The following HPSE2 variants were observed in gnomAD, a reference collection of about 807,000 sequenced individuals.
The protein encoded by HPSE2 is inactive heparanase-2.
A neutral mutation model predicts 60.5 loss-of-function variants in HPSE2; 38 were observed. The ratio of observed to expected loss-of-function variants is 0.63; its 90% CI spans 0.48 to 0.82. The LOEUF is 0.82. HPSE2 is among the 40% of genes least tolerant of loss of function. HPSE2 has a pLI of 0.00. For synonymous variants in HPSE2, 295 were observed against 293.2 expected, an observed-to-expected ratio of 1.01 and a Z score of -0.06; for missense variants, 713 against 740.4, an observed-to-expected ratio of 0.96 and a Z score of 0.43.
chr10:98,969,574 C>T (rs1049691704), intron 3 of HPSE2, among the ~76,000 whole-genome samples: 1 of 152,122 alleles, frequency 6.6e-6, no homozygotes, highest in African/African-American at 2.4e-5. Context: ...TGAGTTCTTG[C>T]TGGAGGTTAA....
At chr10:98,819,659 GC>G (rs1565186953) in intron 3 of HPSE2, among the ~76,000 whole-genome samples, 1 of 152,030 alleles carries the variant, frequency 6.6e-6, no homozygotes, top group Non-Finnish European at 1.5e-5. Context: ...TTTTAAAAGA[GC>G]TTTTTGAGGA....
intron 11 of HPSE2, among the ~76,000 whole-genome samples, chr10:98,475,105 T>C (rs866558030): frequency 4.2e-4 from 64 of 151,124 alleles, no homozygotes; most frequent in African/African-American, 1.5e-3. Context: ...CTTACAGTTA[T>C]GGGACCACAA....
intron 2 of HPSE2, among the ~76,000 whole-genome samples, chr10:99,194,301 A>G (rs1008895583): frequency 6.6e-6 from 1 of 151,936 alleles, no homozygotes; most frequent in African/African-American, 2.4e-5. Context: ...CTGTAGCAAT[A>G]AATACCTACA....
At chr10:99,144,886 CAAG>C (rs1010177483) in intron 2 of HPSE2, among the ~76,000 whole-genome samples, 1 of 152,168 alleles carries the variant, frequency 6.6e-6, no homozygotes, top group Non-Finnish European at 1.5e-5. Context: ...CTACTCAGCT[CAAG>C]TTAGAGCTGC....
At chr10:98,995,031 T>C (rs1956612258) in intron 3 of HPSE2, among the ~76,000 whole-genome samples, 1 of 152,200 alleles carries the variant, frequency 6.6e-6, no homozygotes, top group Non-Finnish European at 1.5e-5. Flanking sequence ...TCTCTATCAC[T>C]GTTTCCCCAT....
rs373792465 is a variant in HPSE2, at chr10:98,991,402, A to C, written c.610+152836T>G. On this transcript the variant is annotated intron_variant, in intron 3 of 11. Transcript: ENST00000370552. Reference sequence around the variant, plus strand: ...TTCAAGCAGGAGAACAGCTAATGCAAAGGCCCTTACACTAGAGCATGCTCT... The same window carrying C: ...TTCAAGCAGGAGAACAGCTAATGCACAGGCCCTTACACTAGAGCATGCTCT... 1.1e-4 allele frequency among the ~76,000 whole-genome samples: 16 copies of C among 152,324 alleles called. No homozygotes were observed. The South Asian group carries it at 2.9e-3, about 28-fold the overall frequency.
chr10:99,113,124 G>C (rs1371503578), intron 3 of HPSE2, among the ~76,000 whole-genome samples: 1 of 152,144 alleles, frequency 6.6e-6, no homozygotes, highest in African/African-American at 2.4e-5. Flanking sequence ...CCCTCTATTA[G>C]TAACAATATA....
intron 9 of HPSE2, among the ~76,000 whole-genome samples, chr10:98,521,124 G>A (rs1000068966): frequency 3.3e-5 from 5 of 152,322 alleles, no homozygotes; most frequent in African/African-American, 9.6e-5. Flanking sequence ...GGCAACAAAA[G>A]CCAAAATTGA....
upstream of HPSE2, among the ~76,000 whole-genome samples, chr10:99,239,179 T>G (rs1272018503): frequency 6.6e-6 from 1 of 151,622 alleles, no homozygotes; most frequent in African/African-American, 2.4e-5. Context: ...AAAAGTAAAA[T>G]TAAAATTAAA....
At position 98,974,367 on chromosome 10, in the gene HPSE2, G is replaced by A. The variant is rs1192907259; in HGVS notation, c.610+169871C>T. Among the ~76,000 whole-genome samples the A allele has an allele frequency of 1.1e-4, 16 of 151,692 alleles. 1 individual carries two copies. Among genetic ancestry groups the A allele is most frequent in the Admixed American group, 7.9e-4 (12 of 15,228 alleles). ...TTTGTTTGTTTTGAGATGGAGTCTC[G>A]CTCTGTTGCCCAGGCTGGAGTGCAG... is the stretch of plus-strand genomic sequence containing the variant. On this transcript the variant is annotated intron_variant, in intron 3 of 11. Coordinates refer to ENST00000370552, the MANE Select transcript of HPSE2 (RefSeq NM_021828.5).
chr10:98,497,562 T>C lies in HPSE2; in HGVS notation c.1321-7366A>G, dbSNP rs1372505934. On this transcript the variant is annotated intron_variant, in intron 9 of 11. Coordinates refer to ENST00000370552, the MANE Select transcript of HPSE2 (RefSeq NM_021828.5). ...ATTCAAGTCTATTTCATTATACTTTTATTATTTTGTTCAAACTTTTCTTAT... is the reference window on the plus strand; with the variant it reads ...ATTCAAGTCTATTTCATTATACTTTCATTATTTTGTTCAAACTTTTCTTAT... Among the ~76,000 whole-genome samples the C allele has an allele frequency of 2.0e-5, 3 of 152,186 alleles. No homozygotes were observed. In the East Asian group the frequency reaches 5.8e-4, roughly 29 times the overall value.
intron 3 of HPSE2, among the ~76,000 whole-genome samples, chr10:98,925,394 G>T (rs1954424685): frequency 6.6e-6 from 1 of 151,476 alleles, no homozygotes; most frequent in African/African-American, 2.4e-5. Flanking sequence ...CTCTGGCAGG[G>T]TATAAGTGAG....
intron 3 of HPSE2, among the ~76,000 whole-genome samples, chr10:99,065,442 C>T (rs546503160): frequency 6.6e-6 from 1 of 151,816 alleles, no homozygotes; most frequent in Non-Finnish European, 1.5e-5. Context: ...CAAAACAAAA[C>T]AAAGGAATAT....
chr10:98,974,606 G>C (rs771899163), intron 3 of HPSE2, among the ~76,000 whole-genome samples: 1 of 152,158 alleles, frequency 6.6e-6, no homozygotes, highest in Non-Finnish European at 1.5e-5. Flanking sequence ...GATTTTAAAA[G>C]TCTACAGCAA....
intron 3 of HPSE2, among the ~76,000 whole-genome samples, chr10:99,133,785 G>A (rs948160186): frequency 2.4e-4 from 36 of 152,282 alleles, no homozygotes; most frequent in African/African-American, 8.4e-4. Flanking sequence ...CAAAAAGGCT[G>A]AAAATTCCAA....
At chr10:98,655,948 G>T (rs1947050095) in intron 6 of HPSE2, among the ~76,000 whole-genome samples, 1 of 152,142 alleles carries the variant, frequency 6.6e-6, no homozygotes, top group Admixed American at 6.5e-5. Context: ...ACATATGAAG[G>T]TACTATATTT....
chr10:98,506,617 C>A (rs1326077006), intron 9 of HPSE2, among the ~76,000 whole-genome samples: 2 of 152,030 alleles, frequency 1.3e-5, no homozygotes, highest in African/African-American at 4.8e-5. Flanking sequence ...CCACTATACC[C>A]AGCTAACTTT....
At chr10:98,803,765 A>C (rs1950974904) in intron 3 of HPSE2, among the ~76,000 whole-genome samples, 1 of 151,054 alleles carries the variant, frequency 6.6e-6, no homozygotes, top group Non-Finnish European at 1.5e-5. Flanking sequence ...TGATGCCTCC[A>C]GCTTTGTTCT....
At chr10:98,987,299 T>C (rs1458815927) in intron 3 of HPSE2, among the ~76,000 whole-genome samples, 1 of 152,124 alleles carries the variant, frequency 6.6e-6, no homozygotes, top group Non-Finnish European at 1.5e-5. Flanking sequence ...TTATCCACCA[T>C]GATCAAGTGG....
Sources: gnomAD v4.1 joint callset for allele counts (sites outside exome capture counted in the v4.1 genomes callset) on GRCh38, gnomAD v4.1.1 for gene constraint, MANE v1.5 for transcripts, NCBI Gene and HGNC (gene_info 2026-07-23, HGNC 2026-07-21) for gene names.